The following WDR5 variants were observed in gnomAD, a reference collection of about 807,000 sequenced individuals.
The protein encoded by WDR5 is WD repeat domain 5, also known as WD repeat-containing protein 5.
For missense variants in WDR5, 187 were observed against 416.9 expected (o/e 0.45, Z 4.80); for synonymous variants, 144 against 161.6 (o/e 0.89, Z 0.83).
At chr9:134,150,895 TG>T (rs1399008229) in intron 8 of WDR5, among the ~76,000 whole-genome samples, 4 of 152,180 alleles carry the variant, frequency 2.6e-5, no homozygotes, top group Non-Finnish European at 5.9e-5. Flanking sequence ...AGTTAGAAGA[TG>T]GGGAAAATGT....
rs1468507228 is a variant in WDR5 at position 134,142,732 on chromosome 9, G to T, written c.528+13G>T. ...TCCAGTCTCGGCCGTAAGTCCCTCT[G>T]ACACGGATGGGGTGGTGTCCAGCAC... is the stretch of plus-strand genomic sequence containing the variant. On this transcript the variant is annotated intron_variant, in intron 7 of 13. Transcript: ENST00000358625. 1 of 1,613,850 alleles carries T rather than the reference G, an allele frequency of 6.2e-7. No individual in the cohort carries two copies. The highest frequency in any genetic ancestry group is 8.5e-7 in the Non-Finnish European group (1 of 1,179,696).
intron 1 of WDR5, among the ~76,000 whole-genome samples, chr9:134,136,525 C>T (rs532012846): frequency 1.3e-5 from 2 of 152,318 alleles, no homozygotes; most frequent in East Asian, 1.9e-4. Context: ...CACATCGCCC[C>T]TCTCCCTCCA....
chr9:134,156,668 G>A (rs1372648560), intron 13 of WDR5, 75 bp downstream of exon 13: 3 of 1,499,566 alleles, frequency 2.0e-6, no homozygotes, highest in East Asian at 4.5e-5. Context: ...AGCGTGGTGT[G>A]CCCGTAGGGT....
Position 134,142,704 on chromosome 9 carries a change from G to T in WDR5, c.513G>T (p.Ser171=). The T allele has an allele frequency of 6.2e-7, 1 of 1,614,232 alleles. No homozygotes were observed. Among genetic ancestry groups the T allele is most frequent in the Non-Finnish European group, 8.5e-7 (1 of 1,180,054 alleles). The change falls in exon 7 of 14, where the codon TCG becomes TCT. Residue 171 remains serine (S), a synonymous_variant. Transcript: ENST00000358625. ...GCCTCAAGACTTTGCCAGCTCACTC[G>T]GATCCAGTCTCGGCCGTAAGTCCCT... ...GKCLKTLPAH[S]DPVSAVHFNR...
chr9:134,153,887 T>C (rs921316344), intron 9 of WDR5, among the ~76,000 whole-genome samples: 1 of 152,146 alleles, frequency 6.6e-6, no homozygotes, highest in African/African-American at 2.4e-5. Context: ...TCCTGAAAAC[T>C]CTGACCTGTA....
intron 1 of WDR5, among the ~76,000 whole-genome samples, chr9:134,137,454 G>T (rs28533919): frequency 2.0e-5 from 3 of 151,940 alleles, no homozygotes; most frequent in African/African-American, 7.3e-5. Context: ...AGGCTGAGGC[G>T]GGCGGATTGC....
chr9:134,152,659 C>A (rs1158320427), intron 9 of WDR5, among the ~76,000 whole-genome samples: 1 of 152,208 alleles, frequency 6.6e-6, no homozygotes, highest in Non-Finnish European at 1.5e-5. Flanking sequence ...TGGGGCGCAC[C>A]TTGAGGAGGG....
In WDR5 at chr9:134,158,150, G is replaced by C. The variant is rs1832836138; in HGVS notation, c.*157G>C. ...TGAAGATGATTTGGCCGAGCGGAAG[G>C]TGTGGACCACCGGAAAGTTCTTAAA... On this transcript the variant is annotated 3_prime_UTR_variant, in exon 14 of 14. Coordinates refer to ENST00000358625, the MANE Select transcript of WDR5 (RefSeq NM_017588.3). The C allele has an allele frequency of 1.6e-6, 1 of 636,694 alleles. No individual in the cohort carries two copies. Among genetic ancestry groups the C allele is most frequent in the Non-Finnish European group, 2.7e-6 (1 of 368,688 alleles). 39.4% of individuals were successfully genotyped at this position (636,694 alleles called of 1,614,324 possible). A position where few individuals can be genotyped will look rare whatever the true frequency, so the allele number is the denominator to read the frequency against.
chr9:134,139,328 G>A (rs1831753186), intron 1 of WDR5, among the ~76,000 whole-genome samples: 2 of 152,222 alleles, frequency 1.3e-5, no homozygotes, highest in South Asian at 4.1e-4. Flanking sequence ...CTGGGTGCCC[G>A]TGCTTGTGTT....
Position 134,141,975 on chromosome 9 carries a change from A to G in WDR5, c.291A>G (p.Ser97=). 6.2e-7 allele frequency: 1 copy of G among 1,614,196 alleles called. No homozygotes were observed. The highest frequency in any genetic ancestry group is 8.5e-7 in the Non-Finnish European group (1 of 1,180,040). The part of the protein sequence containing the change: ...KLGISDVAWS[S]DSNLLVSASD... ...GAATATCCGATGTAGCCTGGTCGTCAGATTCTAACCTTCTTGTTTCTGCCT... is the reference window on the plus strand; with the variant it reads ...GAATATCCGATGTAGCCTGGTCGTCGGATTCTAACCTTCTTGTTTCTGCCT... Residue 97 remains serine (S), a synonymous_variant, in exon 5 of 14, where the codon TCA becomes TCG. Coordinates refer to ENST00000358625, the MANE Select transcript of WDR5 (RefSeq NM_017588.3).
At chr9:134,151,896 A>G in intron 8 of WDR5, 87 bp from the exon 9 acceptor site, 1 of 1,316,522 alleles carries the variant, frequency 7.6e-7, no homozygotes, top group Non-Finnish European at 1.1e-6. Flanking sequence ...AAAGCGTGCT[A>G]GTCCTAAAAT....
intron 7 of WDR5, among the ~76,000 whole-genome samples, chr9:134,145,593 A>G (rs1300779362): frequency 2.0e-5 from 3 of 152,230 alleles, no homozygotes; most frequent in Non-Finnish European, 4.4e-5. Context: ...GGGGAAATGC[A>G]GTAGTCAGGA....
intron 8 of WDR5, among the ~76,000 whole-genome samples, chr9:134,150,606 C>T (rs1045887614): frequency 1.3e-5 from 2 of 152,250 alleles, no homozygotes; most frequent in African/African-American, 4.8e-5. Flanking sequence ...TAGAGATACA[C>T]ATCTTTGTAG....
Position 134,139,949 on chromosome 9 carries a change from T to G in WDR5, c.72T>G (p.Thr24=). ...AGCCAACCCCTTCGTCATCCGCCAC[T>G]CAGAGCAAGGTGCGTGCCCAGGGGC... ...RAQPTPSSSA[T]QSKPTPVKPN... is the part of the protein sequence containing the mutation. The change falls in exon 2 of 14, where the codon ACT becomes ACG. Residue 24 remains threonine (T), a synonymous_variant. Coordinates refer to ENST00000358625, the MANE Select transcript of WDR5 (RefSeq NM_017588.3). 1 of 1,613,560 alleles carries G rather than the reference T, an allele frequency of 6.2e-7. No homozygotes were observed.
chr9:134,143,268 T>C (rs28602914), intron 7 of WDR5, among the ~76,000 whole-genome samples: 102,929 of 152,126 alleles, frequency 0.68, 35,000 homozygotes, highest in African/African-American at 0.71. Flanking sequence ...AGGCCGGGCG[T>C]GGCGGCTCAC....
intron 5 of WDR5, 69 bp from the exon 6 acceptor site, chr9:134,142,264 T>C: frequency 6.6e-7 from 1 of 1,515,978 alleles, no homozygotes; most frequent in Non-Finnish European, 9.1e-7. Context: ...CAGACATTGA[T>C]GAATGTGACC....
chr9:134,151,316 G>A (rs968788559), intron 8 of WDR5, among the ~76,000 whole-genome samples: 4 of 152,182 alleles, frequency 2.6e-5, no homozygotes, highest in African/African-American at 9.7e-5. Context: ...CCATGGGTGA[G>A]AGATGGGAGG....
chr9:134,136,012 C>T (rs1455332080), upstream of WDR5: 2 of 151,868 alleles, frequency 1.3e-5, no homozygotes, highest in Non-Finnish European at 2.9e-5. Flanking sequence ...AGCGCTCCTC[C>T]GAGAGGCCGG....
intron 8 of WDR5, among the ~76,000 whole-genome samples, chr9:134,151,466 T>C (rs972713897): frequency 1.3e-4 from 20 of 152,242 alleles, no homozygotes; most frequent in African/African-American, 4.6e-4. Context: ...AGAATGCGTC[T>C]GTATTGGCAG....
Sources: gnomAD v4.1 joint callset for allele counts (sites outside exome capture counted in the v4.1 genomes callset) on GRCh38, gnomAD v4.1.1 for gene constraint, MANE v1.5 for transcripts, NCBI Gene and HGNC (gene_info 2026-07-23, HGNC 2026-07-21) for gene names.